The following RELN variants were observed in gnomAD, a reference collection of about 807,000 sequenced individuals.
RELN encodes the protein reelin.
A neutral mutation model predicts 427.6 loss-of-function variants in RELN; 108 were observed. The observed-to-expected ratio is 0.25, with a 90% CI of 0.22 to 0.30. The LOEUF (loss-of-function observed/expected upper bound fraction) is 0.30. Ranked by LOEUF, RELN falls within the 10% of genes least tolerant of loss-of-function variation. RELN has a pLI of 1.00. For synonymous variants in RELN, 1,524 were observed against 1,513.4 expected, an observed-to-expected ratio of 1.01 and a Z score of -0.16; for missense variants, 3,715 against 4,302.8, an observed-to-expected ratio of 0.86 and a Z score of 3.82.
At chr7:103,704,168 A>G (rs894615415) in intron 8 of RELN, among the ~76,000 whole-genome samples, 6 of 152,196 alleles carry the variant, frequency 3.9e-5, no homozygotes, top group Admixed American at 6.5e-5. Flanking sequence ...TTGGTAAATG[A>G]TAAAGATAAA....
In RELN at chr7:103,603,088, T is replaced by C. The variant is rs362680; in HGVS notation, c.3333+216A>G. ...GTACAGGAGGGTAGAAGTTTTAAAC[T>C]GGCTTAACCTGATTTTTTAGTAACC... On this transcript the variant is annotated intron_variant, in intron 24 of 64. Transcript: ENST00000428762. The surrounding 1 kb of genome is among the most constrained non-coding windows in gnomAD (Gnocchi z 4.3). Among the ~76,000 whole-genome samples the C allele has an allele frequency of 6.6e-6, 1 of 152,168 alleles. No homozygotes were observed. The highest frequency in any genetic ancestry group is 2.4e-5 in the African/African-American group (1 of 41,450).
At chr7:103,489,549 C>T (rs1828577943) in intron 60 of RELN, among the ~76,000 whole-genome samples, 193 bp downstream of exon 60, 1 of 152,004 alleles carries the variant, frequency 6.6e-6, no homozygotes, top group Admixed American at 6.5e-5. Context: ...TAAAAAATGC[C>T]TTCAGGAATA....
In RELN at chr7:103,914,848, T is replaced by C. The variant is rs942880349; in HGVS notation, c.337+2227A>G. Among the ~76,000 whole-genome samples the C allele has an allele frequency of 9.9e-5, 15 of 152,142 alleles. 1 individual carries two copies. The highest frequency in any genetic ancestry group is 3.6e-4 in the African/African-American group (15 of 41,444). The stretch of plus-strand genomic sequence containing the variant: ...TTTGGACACCTTACACGCCTTGCCA[T>C]ATCAGAATTTTTAACCACAGAACAA... On this transcript the variant is annotated intron_variant, in intron 2 of 64. Transcript: ENST00000428762.
intron 46 of RELN, among the ~76,000 whole-genome samples, chr7:103,533,900 G>GT (rs67203577): frequency 2.4e-4 from 36 of 151,550 alleles, no homozygotes; most frequent in East Asian, 2.3e-3. Flanking sequence ...CCTTAATGGA[G>GT]TTTTTTTTTC....
At chr7:103,715,977 G>T (rs540592596) in intron 8 of RELN, among the ~76,000 whole-genome samples, 3 of 152,072 alleles carry the variant, frequency 2.0e-5, no homozygotes, top group Non-Finnish European at 4.4e-5. Flanking sequence ...TCCCCATCCC[G>T]GGCAGCAAGT....
chr7:103,581,008 G>T (rs566683386), intron 28 of RELN, among the ~76,000 whole-genome samples: 1 of 152,314 alleles, frequency 6.6e-6, no homozygotes, highest in Non-Finnish European at 1.5e-5. Context: ...TACAAGGGGT[G>T]CACAGCTGGA....
At chr7:103,502,552 T>G (rs996323526) in intron 52 of RELN, among the ~76,000 whole-genome samples, 3 of 152,208 alleles carry the variant, frequency 2.0e-5, no homozygotes, top group Non-Finnish European at 4.4e-5. Flanking sequence ...AATACAATGC[T>G]TTGATAAGAG....
At chr7:103,879,885 T>C (rs1473602506) in intron 2 of RELN, among the ~76,000 whole-genome samples, 2 of 152,150 alleles carry the variant, frequency 1.3e-5, no homozygotes, top group Non-Finnish European at 1.5e-5. Flanking sequence ...ACATGTATAA[T>C]CATGCAGCTG....
intron 2 of RELN, among the ~76,000 whole-genome samples, chr7:103,842,360 C>A (rs39385): frequency 0.38 from 57,845 of 151,658 alleles, 11,354 homozygotes; most frequent in Non-Finnish European, 0.42. Context: ...CCTTTTTATC[C>A]CTCTTTAATC....
chr7:103,726,098 T>G (rs1790204238), intron 7 of RELN, among the ~76,000 whole-genome samples: 1 of 152,206 alleles, frequency 6.6e-6, no homozygotes, highest in African/African-American at 2.4e-5. Flanking sequence ...TTGACGGCAT[T>G]CAGTCACAAA....
intron 3 of RELN, among the ~76,000 whole-genome samples, chr7:103,809,398 G>A (rs113947587): frequency 0.015 from 2,268 of 152,158 alleles, 55 homozygotes; most frequent in African/African-American, 0.052. Context: ...CAAAGCAGCG[G>A]GAGAGAGAGA....
intron 1 of RELN, among the ~76,000 whole-genome samples, chr7:103,976,178 A>G (rs908477420): frequency 2.4e-4 from 36 of 152,238 alleles, no homozygotes; most frequent in African/African-American, 7.7e-4. Flanking sequence ...AACCAGAGGT[A>G]TAGCTAGAAT....
At chr7:103,797,434 G>T (rs1467541357) in intron 3 of RELN, among the ~76,000 whole-genome samples, 1 of 152,108 alleles carries the variant, frequency 6.6e-6, no homozygotes, top group South Asian at 2.1e-4. Context: ...TGGAAAAGTT[G>T]CTAAGATTAG....
intron 17 of RELN, among the ~76,000 whole-genome samples, chr7:103,639,451 G>A (rs746715422): frequency 1.9e-4 from 28 of 149,038 alleles, no homozygotes; most frequent in Middle Eastern, 3.5e-3. Flanking sequence ...CCAGGCTGGA[G>A]TGCAGTGACA....
chr7:103,940,108 G>T (rs1796079597), intron 1 of RELN, among the ~76,000 whole-genome samples: 1 of 152,142 alleles, frequency 6.6e-6, no homozygotes, highest in African/African-American at 2.4e-5. Context: ...AAAATGGAAA[G>T]AAATATGAAC....
At chr7:103,745,244 C>T (rs150714568) in intron 6 of RELN, among the ~76,000 whole-genome samples, 32,901 of 151,554 alleles carry the variant, frequency 0.22, 4,720 homozygotes, top group African/African-American at 0.41. Context: ...CTCAATAAAT[C>T]AGGTATTGAT....
chr7:103,642,577 A>T (rs1002144024), intron 16 of RELN, among the ~76,000 whole-genome samples: 1 of 152,092 alleles, frequency 6.6e-6, no homozygotes, highest in Non-Finnish European at 1.5e-5. Context: ...TACTCAAAGC[A>T]TGATTCCACT....
intron 2 of RELN, among the ~76,000 whole-genome samples, chr7:103,840,871 G>C (rs1217458051): frequency 1.3e-5 from 2 of 152,106 alleles, no homozygotes; most frequent in African/African-American, 4.8e-5. Context: ...ATTTGGAAAA[G>C]GGAAAACAGG....
intron 1 of RELN, among the ~76,000 whole-genome samples, chr7:103,932,785 C>G (rs1795893972): frequency 6.6e-6 from 1 of 152,154 alleles, no homozygotes; most frequent in African/African-American, 2.4e-5. Flanking sequence ...AAAACCCTTG[C>G]TTCAAAACTA....
Sources: gnomAD v4.1 joint callset for allele counts (sites outside exome capture counted in the v4.1 genomes callset) on GRCh38, gnomAD v4.1.1 for gene constraint, Gnocchi (gnomAD v3.1) non-coding constraint, MANE v1.5 for transcripts, NCBI Gene and HGNC (gene_info 2026-07-23, HGNC 2026-07-21) for gene names.